NUDT12: variants seen among roughly 807,000 people sequenced by gnomAD.
NUDT12 encodes nudix hydrolase 12, also known as NAD-capped RNA hydrolase NUDT12.
A neutral mutation model predicts 45.7 loss-of-function variants in NUDT12; 42 were observed. The ratio of observed to expected loss-of-function variants is 0.92; its 90% CI spans 0.72 to 1.19. The LOEUF is 1.19. Among genes scored for constraint, NUDT12 ranks in the 50% most tolerant of loss-of-function variants. The pLI is 0.00. For synonymous variants in NUDT12, 206 were observed against 179.7 expected (o/e 1.15, Z -1.17); for missense variants, 590 against 533.1 (o/e 1.11, Z -1.05).
Position 103,559,476 on chromosome 5 carries a change from T to C in NUDT12, c.207-8A>G. 2 of 1,385,766 alleles carry C rather than the reference T, an allele frequency of 1.4e-6. No homozygotes were observed. Among genetic ancestry groups the C allele is most frequent in the East Asian group, 5.3e-5 (2 of 37,818 alleles). The allele number at this position is 1,385,766 out of a possible 1,614,324, so 85.8% of individuals were successfully genotyped here. ...ACAATTGATCTGTCACACCTATAGATGGAAGAAAAAATTGGGGAGAAAAAG... is the reference window on the plus strand; with the variant it reads ...ACAATTGATCTGTCACACCTATAGACGGAAGAAAAAATTGGGGAGAAAAAG... On this transcript the variant is annotated splice_region_variant and splice_polypyrimidine_tract_variant and intron_variant, in intron 2 of 6. Coordinates refer to ENST00000230792, the MANE Select transcript of NUDT12 (RefSeq NM_031438.4).
chr5:103,555,106 C>T (rs562438350), intron 4 of NUDT12, among the ~76,000 whole-genome samples: 139 of 152,002 alleles, frequency 9.1e-4, no homozygotes, highest in African/African-American at 3.2e-3. Flanking sequence ...TTAACAGCAA[C>T]ATTTATTCTG....
At chr5:103,552,139 T>C in intron 6 of NUDT12, 78 bp downstream of exon 6, 1 of 1,155,144 alleles carries the variant, frequency 8.7e-7, no homozygotes, top group Non-Finnish European at 1.3e-6. Flanking sequence ...TTGCTGAAAA[T>C]ATGCATCCTT....
chr5:103,550,830 T>A lies in NUDT12; in HGVS notation c.*31A>T. 6.9e-7 allele frequency: 1 copy of A among 1,447,330 alleles called. No homozygotes were observed. Among genetic ancestry groups the A allele is most frequent in the Admixed American group, 1.7e-5 (1 of 59,526 alleles). 89.7% of individuals were successfully genotyped at this position (1,447,330 alleles called of 1,614,324 possible). On this transcript the variant is annotated 3_prime_UTR_variant, in exon 7 of 7. Transcript: ENST00000230792. ...GAGGAATGAGTGTTATTAGAAATTA[T>A]TAAATAATACTCAAAGCTTAGTTCT...
At chr5:103,558,420 T>A (rs1748903826) in intron 3 of NUDT12, among the ~76,000 whole-genome samples, 2 of 152,140 alleles carry the variant, frequency 1.3e-5, no homozygotes, top group African/African-American at 4.8e-5. Context: ...TACTTACATG[T>A]GTACAATTTA....
chr5:103,560,342 A>G (rs1184724511), intron 1 of NUDT12, 88 bp from the exon 2 acceptor site: 2 of 773,414 alleles, frequency 2.6e-6, no homozygotes, highest in African/African-American at 1.7e-5. Context: ...ATAGAATAAT[A>G]GCAATGGTTT....
chr5:103,556,102 C>CA lies in NUDT12; in HGVS notation c.797-5dup, dbSNP rs752975218. The CA allele has an allele frequency of 7.0e-5, 108 of 1,542,430 alleles. No homozygotes were observed. Among genetic ancestry groups the CA allele is most frequent in the South Asian group, 3.4e-4 (26 of 77,612 alleles). ...GATCTTGCTTGAGCTACAACCCCTT[C>CA]AAAAAAAAGAAAAGCACAAAAATTT... On this transcript the variant is annotated splice_polypyrimidine_tract_variant and splice_region_variant and intron_variant, in intron 3 of 6. Transcript: ENST00000230792.
chr5:103,557,994 T>C (rs1748884305), intron 3 of NUDT12, among the ~76,000 whole-genome samples: 1 of 151,952 alleles, frequency 6.6e-6, no homozygotes, highest in Non-Finnish European at 1.5e-5. Flanking sequence ...TGTCCTGCTT[T>C]CCTTGCTCTA....
At chr5:103,559,563 TA>T (rs2112457151) in intron 2 of NUDT12, 95 bp from the exon 3 acceptor site, 1 of 605,446 alleles carries the variant, frequency 1.7e-6, no homozygotes, top group South Asian at 5.1e-5. Flanking sequence ...AGATACATAT[TA>T]AAGTCCTTCT....
intron 3 of NUDT12, 24 bp downstream of exon 3, chr5:103,558,855 T>C (rs760123292): frequency 2.4e-5 from 36 of 1,488,460 alleles, no homozygotes; most frequent in Non-Finnish European, 3.2e-5. Flanking sequence ...ATTTTACCAA[T>C]GAAAAGCAGC....
In NUDT12 at chr5:103,550,870, A is replaced by G; in HGVS notation, c.1380T>C (p.Pro460=). 6.2e-7 allele frequency: 1 copy of G among 1,602,538 alleles called. No homozygotes were observed. The highest frequency in any genetic ancestry group is 8.5e-7 in the Non-Finnish European group (1 of 1,169,688). Residue 460 remains proline, a synonymous_variant, in exon 7 of 7, where the codon CCT becomes CCC. Coordinates refer to ENST00000230792, the MANE Select transcript of NUDT12 (RefSeq NM_031438.4). ...QLIKHWIRIN[P]NL ...AGCTTAGTTCTTAGATTTAGAGATT[A>G]GGATTTATTCTAATCCAGTGTTTGA...
chr5:103,558,968 G>C lies in NUDT12; in HGVS notation c.707C>G (p.Ala236Gly), dbSNP rs757178603. The C allele has an allele frequency of 3.7e-6, 6 of 1,612,838 alleles. No individual in the cohort carries two copies. The highest frequency in any genetic ancestry group is 5.1e-6 in the Non-Finnish European group (6 of 1,179,320). Residue 236 changes from alanine to glycine, a missense_variant, in exon 3 of 7, where the codon GCT becomes GGT. Transcript: ENST00000230792. ...ATGTCTTTGCTTGAATTCTTCAGCA[G>C]CAATAGGATCTATACCTAGAGCAAA... ...AWFALGIDPI[A>G]AEEFKQRHEN...
At chr5:103,562,223 C>T (rs1049755405) in intron 1 of NUDT12, among the ~76,000 whole-genome samples, 3 of 152,130 alleles carry the variant, frequency 2.0e-5, no homozygotes, top group Non-Finnish European at 2.9e-5. Context: ...ATGACTTCCG[C>T]ATGCTCACAC....
chr5:103,556,149 TC>T (rs771429453), intron 3 of NUDT12, 51 bp from the exon 4 acceptor site: 2 of 1,334,812 alleles, frequency 1.5e-6, no homozygotes, highest in Non-Finnish European at 2.0e-6. Context: ...GAAATTAAAA[TC>T]AATATATAAG....
rs1171143415 is a variant in NUDT12 at position 103,549,560 on chromosome 5, T to C, written c.*1301A>G. On this transcript the variant is annotated 3_prime_UTR_variant, in exon 7 of 7. Coordinates refer to ENST00000230792, the MANE Select transcript of NUDT12 (RefSeq NM_031438.4). The stretch of plus-strand genomic sequence containing the variant: ...CCTCTGCATTATATAGTACAGACTG[T>C]TGTAATTAGTTATGTAACTTTCACT... 1.3e-5 allele frequency: 2 copies of C among 152,018 alleles called. No homozygotes were observed. The highest frequency in any genetic ancestry group is 2.4e-5 in the African/African-American group (1 of 41,446). 9.4% of individuals were successfully genotyped at this position (152,018 alleles called of 1,614,324 possible).
intron 3 of NUDT12, among the ~76,000 whole-genome samples, chr5:103,557,283 A>G (rs796730857): frequency 0.22 from 23,596 of 108,176 alleles, 3,287 homozygotes; most frequent in Middle Eastern, 0.33. Flanking sequence ...TTAAAATGAT[A>G]TATATATATA....
At chr5:103,560,367 T>G in intron 1 of NUDT12, 113 bp from the exon 2 acceptor site, 2 of 661,228 alleles carry the variant, frequency 3.0e-6, no homozygotes, top group Non-Finnish European at 5.4e-6. Flanking sequence ...GGCAACATAC[T>G]ATTCAACAGG....
chr5:103,554,906 T>C, intron 4 of NUDT12, 53 bp from the exon 5 acceptor site: 1 of 695,540 alleles, frequency 1.4e-6, no homozygotes, highest in Non-Finnish European at 2.5e-6. Context: ...GAATTTAGAT[T>C]CATTGTACAA....
In NUDT12 at chr5:103,559,304, G is replaced by A; in HGVS notation, c.371C>T (p.Thr124Ile). The A allele has an allele frequency of 6.2e-7, 1 of 1,612,364 alleles. No homozygotes were observed. The highest frequency in any genetic ancestry group is 8.5e-7 in the Non-Finnish European group (1 of 1,179,344). The change falls in exon 3 of 7, where the codon ACA (threonine) becomes ATA (isoleucine). Residue 124 changes from threonine to isoleucine, a missense_variant. Thr to Ile is a moderately conservative substitution (Grantham distance 89). Coordinates refer to ENST00000230792, the MANE Select transcript of NUDT12 (RefSeq NM_031438.4). ...VEECENYFSK[T>I]LLDRKSEKRN... ...CTTTTCACTTTTCCGGTCCAGTAGT[G>A]TTTTGCTAAAATAATTTTCACATTC... is the stretch of plus-strand genomic sequence containing the variant.
At chr5:103,555,610 T>C (rs192125739) in intron 4 of NUDT12, among the ~76,000 whole-genome samples, 1 of 152,108 alleles carries the variant, frequency 6.6e-6, no homozygotes, top group East Asian at 1.9e-4. Context: ...CTGTACTGCT[T>C]TAGTAATGCC....
Sources: gnomAD v4.1 joint callset for allele counts (sites outside exome capture counted in the v4.1 genomes callset) on GRCh38, gnomAD v4.1.1 for gene constraint, MANE v1.5 for transcripts, NCBI Gene and HGNC (gene_info 2026-07-23, HGNC 2026-07-21) for gene names.